The following PLCH2 variants were observed in gnomAD, a reference collection of about 807,000 sequenced individuals.
PLCH2 encodes phospholipase C eta 2.
In PLCH2, 98 loss-of-function variants were observed where a neutral mutation model predicts 134.7. The observed-to-expected ratio is 0.73, with a 90% confidence interval of 0.62 to 0.86. The LOEUF (loss-of-function observed/expected upper bound fraction) is 0.86. PLCH2 is among the 40% of genes least tolerant of loss of function. PLCH2 has a pLI of 0.00. For missense variants in PLCH2, 1,994 were observed against 1,986.6 expected, an observed-to-expected ratio of 1.00 and a Z score of -0.07; for synonymous variants, 974 against 827.5, an observed-to-expected ratio of 1.18 and a Z score of -3.04.
At chr1:2,435,947 T>C (rs1470345582) in intron 2 of PLCH2, among the ~76,000 whole-genome samples, 4 of 147,600 alleles carry the variant, frequency 2.7e-5, no homozygotes, top group Non-Finnish European at 4.5e-5. Flanking sequence ...CCTTCCTCCC[T>C]CCTCTCCTCC....
intron 19 of PLCH2, 49 bp from the exon 20 acceptor site, chr1:2,499,592 G>C (rs141226937): frequency 7.3e-7 from 1 of 1,365,598 alleles, no homozygotes; most frequent in East Asian, 2.4e-5. Context: ...GCAGGTGGGG[G>C]CCCTGGGAGG....
At chr1:2,491,129 G>A (rs919775343) in intron 10 of PLCH2, 63 bp from the exon 11 acceptor site, 21 of 1,513,176 alleles carry the variant, frequency 1.4e-5, no homozygotes, top group Admixed American at 5.8e-5. Context: ...CCTGGGGGTT[G>A]TCATTGCCAC....
At chr1:2,489,732 C>A in intron 9 of PLCH2, 28 bp from the exon 10 acceptor site, 1 of 1,545,730 alleles carries the variant, frequency 6.5e-7, no homozygotes, top group Non-Finnish European at 8.9e-7. Flanking sequence ...TCTCCAGGGC[C>A]CCTCCCATCA....
rs1341920705 is a variant in PLCH2, at chr1:2,476,547, C to G, written c.-42C>G. 1.4e-6 allele frequency: 2 copies of G among 1,455,282 alleles called. No individual in the cohort carries two copies. The highest frequency in any genetic ancestry group is 2.9e-5 in the African/African-American group (2 of 70,006). The allele number at this position is 1,455,282 out of a possible 1,614,324, so 90.1% of individuals were successfully genotyped here. A position where few individuals can be genotyped will look rare whatever the true frequency, so the allele number is the denominator to read the frequency against. ...CCTCCGCTGCCCGAAGGCCGGTGGGCCTCTGTGGCCTCCGTGAAGCAGGCC... is the reference window on the plus strand; with the variant it reads ...CCTCCGCTGCCCGAAGGCCGGTGGGGCTCTGTGGCCTCCGTGAAGCAGGCC... On this transcript the variant is annotated 5_prime_UTR_variant, in exon 1 of 22. Transcript: ENST00000378486.
chr1:2,505,067 C>T lies in PLCH2; in HGVS notation c.4105C>T (p.Gln1369Ter). 1 of 1,537,778 alleles carries T rather than the reference C, an allele frequency of 6.5e-7. No homozygotes were observed. The highest frequency in any genetic ancestry group is 8.7e-7 in the Non-Finnish European group (1 of 1,149,250). ...RQQRLQGLGR[Q>*]GPPEEERGTP... ...GCAGAGACTGCAGGGCCTGGGCCGG[C>T]AGGGACCCCCAGAAGAGGAGCGGGG... The change falls in exon 22 of 22, where the codon CAG (glutamine) becomes TAG (stop). Residue 1369 changes from glutamine (Q) to a stop codon, truncating the protein, a stop_gained. Transcript: ENST00000378486. LOFTEE classifies it high-confidence loss of function.
chr1:2,504,356 C>A lies in PLCH2; in HGVS notation c.3394C>A (p.Gln1132Lys). Residue 1132 changes from glutamine to lysine, a missense_variant, in exon 22 of 22, where the codon CAG (glutamine) becomes AAG (lysine). By Grantham distance (53) the Gln-to-Lys change is moderately conservative. Coordinates refer to ENST00000378486, the MANE Select transcript of PLCH2 (RefSeq NM_014638.4). ...TGCCACGGGCAGTGACCCGCTGTGG[C>A]AGCGGCTGGAGCCATGTGGCCACCG... ...SDATGSDPLWQRLEPCGHRDS... is the reference protein window; with the variant it reads ...SDATGSDPLWKRLEPCGHRDS... 9.3e-6 allele frequency: 15 copies of A among 1,610,352 alleles called. No individual in the cohort carries two copies. The highest frequency in any genetic ancestry group is 9.3e-6 in the Non-Finnish European group (11 of 1,179,496).
At chr1:2,447,521 G>A (rs1020658125) in intron 2 of PLCH2, among the ~76,000 whole-genome samples, 5 of 152,226 alleles carry the variant, frequency 3.3e-5, no homozygotes, top group Admixed American at 1.3e-4. Flanking sequence ...GAGGCCCCGT[G>A]TTGAGGGCCT....
Position 2,504,574 on chromosome 1 carries a change from C to G in PLCH2, c.3612C>G (p.Pro1204=). The G allele has an allele frequency of 6.2e-7, 1 of 1,612,780 alleles. No individual in the cohort carries two copies. The change falls in exon 22 of 22, where the codon CCC becomes CCG. Residue 1204 remains proline (P), a synonymous_variant. Transcript: ENST00000378486. ...CTGTGACCAAGAGCAAATCCAACCC[C>G]AACCTTCGGGCTACAGGCCAGCGGC... ...LPPVTKSKSN[P]NLRATGQRPP...
chr1:2,502,626 G>A (rs550071368), intron 21 of PLCH2: 24 of 684,704 alleles, frequency 3.5e-5, no homozygotes, highest in African/African-American at 1.6e-4. Context: ...CCCCGGGCCC[G>A]GGCTGACTCA....
Position 2,484,597 on chromosome 1 carries a change from C to A in PLCH2, c.795C>A (p.Arg265=), listed in dbSNP as rs369297001. 3.1e-6 allele frequency: 5 copies of A among 1,612,286 alleles called. No homozygotes were observed. The highest frequency in any genetic ancestry group is 3.3e-4 in the Middle Eastern group (2 of 6,084). The change falls in exon 5 of 22, where the codon CGC becomes CGA. Residue 265 remains arginine, a synonymous_variant. Transcript: ENST00000378486. ...KDHLDAASLQ[R]FLQVEQKMAG... is the part of the protein sequence containing the mutation. ...ACCTGGATGCCGCCAGCCTGCAGCG[C>A]TTCCTGCAGGTGGAGCAGAAGGTGT...
intron 5 of PLCH2, among the ~76,000 whole-genome samples, chr1:2,485,899 C>T (rs1324414606): frequency 6.6e-6 from 1 of 152,168 alleles, no homozygotes; most frequent in Non-Finnish European, 1.5e-5. Flanking sequence ...GGCCTGAGCT[C>T]CCGGGATGCC....
In PLCH2 at chr1:2,483,784, TTTGGGGGGGCGCTGACCCCCGTGTG is replaced by T. The variant is rs1642109779; in HGVS notation, c.646-663_646-639del. Among the ~76,000 whole-genome samples, 2 of 136,436 alleles carry T rather than the reference TTTGGGGGGGCGCTGACCCCCGTGTG, an allele frequency of 1.5e-5. 1 individual carries two copies. Among genetic ancestry groups the T allele is most frequent in the African/African-American group, 5.6e-5 (2 of 35,598 alleles). The allele number at this position is 136,436 out of a possible 152,430, so 89.5% of individuals were successfully genotyped here. A position where few individuals can be genotyped will look rare whatever the true frequency, so the allele number is the denominator to read the frequency against. ...CCGTTTGGGGGGGCGCTGACCCCCGTTTGGGGGGGCGCTGACCCCCGTGTGGGGGTGGCGCTGACCCCCGTGTGGG... is the reference window on the plus strand; with the variant it reads ...CCGTTTGGGGGGGCGCTGACCCCCGTGGGGTGGCGCTGACCCCCGTGTGGG... On this transcript the variant is annotated intron_variant, in intron 4 of 21. Transcript: ENST00000378486.
At chr1:2,459,909 G>A (rs911067098) in intron 2 of PLCH2, among the ~76,000 whole-genome samples, 7 of 152,246 alleles carry the variant, frequency 4.6e-5, no homozygotes, top group East Asian at 1.9e-4. Flanking sequence ...CCTTGGCACC[G>A]TGAGGGGCCG....
chr1:2,437,655 C>T (rs903781134), intron 2 of PLCH2, among the ~76,000 whole-genome samples: 3 of 152,224 alleles, frequency 2.0e-5, no homozygotes, highest in Non-Finnish European at 4.4e-5. Context: ...TGCTCCCTGC[C>T]TCTCTCTCTA....
At position 2,498,579 on chromosome 1, in the gene PLCH2, G is replaced by T; in HGVS notation, c.2281G>T (p.Val761Leu). Residue 761 changes from valine (V) to leucine (L), a missense_variant, in exon 17 of 22, where the codon GTG becomes TTG. Val to Leu is a conservative substitution (Grantham distance 32, BLOSUM62 1). Coordinates refer to ENST00000378486, the MANE Select transcript of PLCH2 (RefSeq NM_014638.4). This position sits in a 1 kb window ranked among gnomAD's most constrained non-coding sequence, Gnocchi z 5.4. Reference sequence around the variant, plus strand: ...GCCCGGGCAGCTCAAGAAGCAGCTGGTGCTCCGGATCATCAGTGGCCAGCA... The same window carrying T: ...GCCCGGGCAGCTCAAGAAGCAGCTGTTGCTCCGGATCATCAGTGGCCAGCA... ...PLPGQLKKQL[V>L]LRIISGQQLP... 9.4e-6 allele frequency: 15 copies of T among 1,603,820 alleles called. No homozygotes were observed. The highest frequency in any genetic ancestry group is 1.3e-5 in the Non-Finnish European group (15 of 1,177,142).
chr1:2,459,813 A>C (rs16824398), intron 2 of PLCH2, among the ~76,000 whole-genome samples: 87,134 of 152,104 alleles, frequency 0.57, 25,743 homozygotes, highest in East Asian at 0.88. Context: ...GCTCCTGAGT[A>C]ATTCACACGC....
upstream of PLCH2, among the ~76,000 whole-genome samples, chr1:2,463,591 C>T (rs1347050542): frequency 1.3e-5 from 2 of 152,224 alleles, no homozygotes; most frequent in Non-Finnish European, 2.9e-5. Context: ...GGCGGTTTCT[C>T]AGGGCTCTGC....
rs544295214 is a variant in PLCH2, at chr1:2,439,700, C to T, written c.115+9071C>T. Among the ~76,000 whole-genome samples the T allele has an allele frequency of 3.0e-3, 461 of 152,322 alleles. 3 individuals carry two copies. Among genetic ancestry groups the T allele is most frequent in the African/African-American group, 9.9e-3 (412 of 41,574 alleles). Reference sequence around the variant, plus strand: ...GCCCAGGTCTCTGGCCCTGAGCCATCTGTTCACCTGGGGCTGACACTGCCA... The same window carrying T: ...GCCCAGGTCTCTGGCCCTGAGCCATTTGTTCACCTGGGGCTGACACTGCCA... On this transcript the variant is annotated intron_variant, in intron 2 of 3. Transcript: ENST00000609981. The surrounding 1 kb of genome is among the most constrained non-coding windows in gnomAD (Gnocchi z 4.7).
At chr1:2,489,894 G>T in intron 10 of PLCH2, 27 bp downstream of exon 10, 1 of 1,491,800 alleles carries the variant, frequency 6.7e-7, no homozygotes. Flanking sequence ...GTGGAGGGGG[G>T]CGCGTGGAGC....
Sources: gnomAD v4.1 joint callset for allele counts (sites outside exome capture counted in the v4.1 genomes callset) on GRCh38, gnomAD v4.1.1 for gene constraint, Gnocchi (gnomAD v3.1) non-coding constraint, MANE v1.5 for transcripts, NCBI Gene and HGNC (gene_info 2026-07-23, HGNC 2026-07-21) for gene names.